The following XNDC1N variants were observed in gnomAD, a reference collection of about 807,000 sequenced individuals.
XNDC1N encodes the protein protein XNDC1N.
At chr11:71,917,425 T>C in the XNDC1N span, 1 of 629,936 alleles carries the variant, frequency 1.6e-6, no homozygotes, top group Admixed American at 2.5e-5. Context: ...CCAGCTAGCA[T>C]GCATCCTCAC....
At chr11:71,881,911 G>A in the XNDC1N span, among the ~76,000 whole-genome samples, 27 of 152,116 alleles carry the variant, frequency 1.8e-4, no homozygotes, top group East Asian at 3.7e-3. Flanking sequence ...ATCAGGAGGA[G>A]GAGAAAGAAA....
At chr11:71,885,866 CATTA>C in the XNDC1N span, among the ~76,000 whole-genome samples, 1 of 151,694 alleles carries the variant, frequency 6.6e-6, no homozygotes, top group Non-Finnish European at 1.5e-5. Context: ...CATCATTAAT[CATTA>C]ATATTAATCA....
At chr11:71,908,644 G>T in the XNDC1N span, among the ~76,000 whole-genome samples, 5 of 152,136 alleles carry the variant, frequency 3.3e-5, no homozygotes, top group South Asian at 1.0e-3. Flanking sequence ...TCTCAACTGG[G>T]AAAACAATAC....
the XNDC1N span, among the ~76,000 whole-genome samples, chr11:71,898,230 AAAAC>A: frequency 6.6e-4 from 101 of 152,122 alleles, no homozygotes; most frequent in Middle Eastern, 3.4e-3. Flanking sequence ...AAAAACAACA[AAAAC>A]AAACAGGCAC....
chr11:71,867,566 C>G, the XNDC1N span, among the ~76,000 whole-genome samples: 3 of 152,168 alleles, frequency 2.0e-5, no homozygotes, highest in African/African-American at 7.2e-5. Flanking sequence ...CATTCAGGAG[C>G]AGGTTGTTTA....
chr11:71,900,108 C>G, the XNDC1N span, among the ~76,000 whole-genome samples: 1 of 152,270 alleles, frequency 6.6e-6, no homozygotes, highest in East Asian at 1.9e-4. Flanking sequence ...GACATAGATT[C>G]TATTGCTCAC....
chr11:71,900,407 A>G, the XNDC1N span, among the ~76,000 whole-genome samples: 2 of 151,872 alleles, frequency 1.3e-5, no homozygotes, highest in African/African-American at 2.4e-5. Flanking sequence ...GAGGGTCGGG[A>G]GCCTTGTTTG....
chr11:71,908,860 C>G, the XNDC1N span, among the ~76,000 whole-genome samples: 1 of 152,064 alleles, frequency 6.6e-6, no homozygotes, highest in African/African-American at 2.4e-5. Context: ...TATGGAAGGG[C>G]CCAGTTGCCA....
the XNDC1N span, among the ~76,000 whole-genome samples, chr11:71,909,756 T>C: frequency 6.6e-6 from 1 of 152,160 alleles, no homozygotes; most frequent in Non-Finnish European, 1.5e-5. Context: ...TAGGAGGACA[T>C]AAAGTCATTC....
the XNDC1N span, among the ~76,000 whole-genome samples, chr11:71,871,255 G>C: frequency 9.2e-5 from 14 of 152,140 alleles, no homozygotes; most frequent in Non-Finnish European, 1.8e-4. Context: ...AGAACATTAG[G>C]CTAAGTGAAA....
At chr11:71,907,761 C>G in the XNDC1N span, among the ~76,000 whole-genome samples, 2 of 152,160 alleles carry the variant, frequency 1.3e-5, no homozygotes, top group African/African-American at 4.8e-5. Flanking sequence ...ATATTATCCT[C>G]TTCCCTCCAG....
chr11:71,905,667 G>A, the XNDC1N span, among the ~76,000 whole-genome samples: 1 of 151,936 alleles, frequency 6.6e-6, no homozygotes, highest in African/African-American at 2.4e-5. Flanking sequence ...CACCCACTGT[G>A]TTATTAGAAG....
the XNDC1N span, chr11:71,894,490 A>C: frequency 8.7e-3 from 1,384 of 158,692 alleles, 13 homozygotes; most frequent in Non-Finnish European, 0.012. Context: ...TAGTCACATT[A>C]TTTTTGTGGC....
the XNDC1N span, among the ~76,000 whole-genome samples, chr11:71,894,844 T>C: frequency 1.3e-5 from 2 of 152,230 alleles, no homozygotes; most frequent in East Asian, 3.8e-4. Context: ...CTATACATAA[T>C]TTTGCTTCAA....
the XNDC1N span, among the ~76,000 whole-genome samples, chr11:71,912,993 C>T: frequency 1.3e-5 from 2 of 152,084 alleles, no homozygotes; most frequent in Non-Finnish European, 2.9e-5. Flanking sequence ...TCTTCCCCTG[C>T]ACATTAGGAA....
At chr11:71,913,566 G>A in the XNDC1N span, among the ~76,000 whole-genome samples, 3 of 151,744 alleles carry the variant, frequency 2.0e-5, no homozygotes, top group Non-Finnish European at 2.9e-5. Context: ...GGCTGAGGCA[G>A]GAGAATTGCT....
At chr11:71,895,041 G>A in the XNDC1N span, among the ~76,000 whole-genome samples, 1 of 152,078 alleles carries the variant, frequency 6.6e-6, no homozygotes, top group Non-Finnish European at 1.5e-5. Flanking sequence ...AATCACCTGG[G>A]GAGTTAAAAA....
chr11:71,883,084 A>G, the XNDC1N span, among the ~76,000 whole-genome samples: 1 of 152,228 alleles, frequency 6.6e-6, no homozygotes, highest in Non-Finnish European at 1.5e-5. Context: ...TTCATGAAAG[A>G]AATTAAAGAA....
At chr11:71,867,021 C>T in the XNDC1N span, among the ~76,000 whole-genome samples, 4 of 151,996 alleles carry the variant, frequency 2.6e-5, no homozygotes, top group East Asian at 7.7e-4. Flanking sequence ...AATATTTTTG[C>T]TGCTGTAAGA....
Sources: allele counts gnomAD v4.1 joint callset (sites outside exome capture counted in the v4.1 genomes callset), GRCh38; gene constraint gnomAD v4.1.1; transcripts MANE v1.5; gene names NCBI Gene and HGNC (gene_info 2026-07-23, HGNC 2026-07-21).